FMN2: variants seen among roughly 807,000 people sequenced by gnomAD.
FMN2 encodes the protein formin 2.
In FMN2, 51 loss-of-function variants were observed where a neutral mutation model predicts 142.3. The ratio of observed to expected loss-of-function variants is 0.36; its 90% CI spans 0.29 to 0.45. The LOEUF (loss-of-function observed/expected upper bound fraction) is 0.45. FMN2 is among the 20% of genes least tolerant of loss of function. The pLI, the probability that FMN2 is intolerant of heterozygous loss-of-function variation, is 1.00. For missense variants in FMN2, 1,936 were observed against 2,122.8 expected (o/e 0.91, Z 1.73); for synonymous variants, 882 against 869.8 (o/e 1.01, Z -0.25).
intron 7 of FMN2, among the ~76,000 whole-genome samples, chr1:240,279,312 A>G (rs970691093): frequency 6.6e-6 from 1 of 152,222 alleles, no homozygotes; most frequent in Non-Finnish European, 1.5e-5. Flanking sequence ...ATCTTGCTCA[A>G]TTAAATCAAA....
chr1:240,187,376 C>T (rs987415205), intron 3 of FMN2, among the ~76,000 whole-genome samples: 3 of 151,634 alleles, frequency 2.0e-5, no homozygotes, highest in Non-Finnish European at 4.4e-5. Flanking sequence ...GGGTGCAACG[C>T]GACAGTCAGG....
intron 8 of FMN2, among the ~76,000 whole-genome samples, chr1:240,299,921 T>C (rs1670138392): frequency 6.6e-6 from 1 of 152,182 alleles, no homozygotes; most frequent in African/African-American, 2.4e-5. Flanking sequence ...GCAAGACTAG[T>C]AGGAATAAGG....
At chr1:240,415,863 G>A (rs996346248) in intron 15 of FMN2, among the ~76,000 whole-genome samples, 2 of 152,128 alleles carry the variant, frequency 1.3e-5, no homozygotes, top group African/African-American at 2.4e-5. Context: ...TGCCAGCTTC[G>A]ATGAGAATAC....
chr1:240,368,547 G>A (rs1395045362), intron 14 of FMN2, among the ~76,000 whole-genome samples: 1 of 148,898 alleles, frequency 6.7e-6, no homozygotes, highest in African/African-American at 2.5e-5. Flanking sequence ...TTACAAACTT[G>A]TTAAGCCCTC....
At chr1:240,459,873 C>G (rs771067380) in intron 16 of FMN2, among the ~76,000 whole-genome samples, 1 of 151,610 alleles carries the variant, frequency 6.6e-6, no homozygotes, top group Non-Finnish European at 1.5e-5. Flanking sequence ...AAGCATTACT[C>G]TCCTCAGAAA....
At chr1:240,357,765 G>A (rs542425663) in intron 14 of FMN2, among the ~76,000 whole-genome samples, 238 of 151,920 alleles carry the variant, frequency 1.6e-3, no homozygotes, top group African/African-American at 5.6e-3. Context: ...CCGCCACCAC[G>A]CCCGGCTAAT....
At chr1:240,221,516 C>G (rs1247820057) in intron 6 of FMN2, among the ~76,000 whole-genome samples, 1 of 152,098 alleles carries the variant, frequency 6.6e-6, no homozygotes, top group Non-Finnish European at 1.5e-5. Flanking sequence ...TAAATGTCTT[C>G]TTTTGAGAAG....
chr1:240,303,934 C>T (rs1275061576), intron 8 of FMN2, among the ~76,000 whole-genome samples: 2 of 152,044 alleles, frequency 1.3e-5, no homozygotes, highest in Non-Finnish European at 2.9e-5. Flanking sequence ...TTCCTCAAAT[C>T]CGTCTTTAAA....
intron 14 of FMN2, among the ~76,000 whole-genome samples, chr1:240,378,366 G>A (rs1428958155): frequency 1.3e-5 from 2 of 152,078 alleles, no homozygotes; most frequent in African/African-American, 2.4e-5. Flanking sequence ...GGCCAGGCTG[G>A]TCTTGAACTC....
intron 16 of FMN2, among the ~76,000 whole-genome samples, chr1:240,448,048 G>T (rs10926263): frequency 0.72 from 109,899 of 152,014 alleles, 39,937 homozygotes; most frequent in Admixed American, 0.81. Context: ...TCCCTCTTCT[G>T]CCTGCCTGGT....
intron 4 of FMN2, among the ~76,000 whole-genome samples, chr1:240,205,377 C>T (rs1666294999): frequency 6.6e-6 from 1 of 151,144 alleles, no homozygotes; most frequent in Non-Finnish European, 1.5e-5. Context: ...CTTCCTTTCT[C>T]TCTATCAATT....
intron 14 of FMN2, among the ~76,000 whole-genome samples, chr1:240,380,558 A>G (rs1673189956): frequency 6.6e-6 from 1 of 152,152 alleles, no homozygotes; most frequent in Non-Finnish European, 1.5e-5. Context: ...TCCCTTGGTC[A>G]ATACCAAAAC....
At position 240,382,486 on chromosome 1, in the gene FMN2, C is replaced by A. The variant is rs193293072; in HGVS notation, c.4859-10025C>A. On this transcript the variant is annotated intron_variant, in intron 14 of 17. Transcript: ENST00000319653. ...GACCAGCCTGGCCAACATGGTGAAA[C>A]CCCACCTCTACTAAAAATACAAAAA... Among the ~76,000 whole-genome samples the A allele has an allele frequency of 3.2e-4, 48 of 152,132 alleles. No individual in the cohort carries two copies. The East Asian group carries it at 7.5e-3, about 24-fold the overall frequency.
chr1:240,189,163 G>T (rs1185393003), intron 4 of FMN2, among the ~76,000 whole-genome samples: 3 of 110,584 alleles, frequency 2.7e-5, no homozygotes, highest in Non-Finnish European at 5.5e-5. Flanking sequence ...ATGCTAAAAT[G>T]GATTTCTTAT....
intron 6 of FMN2, among the ~76,000 whole-genome samples, chr1:240,228,094 GGGAGTTTGAGACCAGC>G (rs1226314620): frequency 6.6e-6 from 1 of 151,392 alleles, no homozygotes; most frequent in Non-Finnish European, 1.5e-5. Context: ...ACCTGAGGTC[GGGAGTTTGAGACCAGC>G]CTGACCAACA....
chr1:240,275,573 G>A (rs780279062), intron 7 of FMN2, among the ~76,000 whole-genome samples: 28 of 152,110 alleles, frequency 1.8e-4, no homozygotes, highest in Non-Finnish European at 4.0e-4. Context: ...TGTGTTTATA[G>A]TAGAATGATT....
At chr1:240,357,398 T>C (rs979590302) in intron 14 of FMN2, among the ~76,000 whole-genome samples, 3 of 152,216 alleles carry the variant, frequency 2.0e-5, no homozygotes, top group Admixed American at 1.3e-4. Context: ...AGTGAAATTA[T>C]GTTTTGCAAC....
chr1:240,474,947 T>A lies in FMN2; in HGVS notation c.*793T>A, dbSNP rs1047671434. ...ATTTATGTAAAGTATGGTCTCTTAC[T>A]TTTTAGTTTGTAGTTTAAGTGCAAA... On this transcript the variant is annotated 3_prime_UTR_variant, in exon 18 of 18. Transcript: ENST00000319653. 6.6e-6 allele frequency: 1 copy of A among 152,628 alleles called. No homozygotes were observed. Among genetic ancestry groups the A allele is most frequent in the Admixed American group, 6.5e-5 (1 of 15,276 alleles). 9.5% of individuals were successfully genotyped at this position (152,628 alleles called of 1,614,324 possible).
chr1:240,331,389 A>C (rs1194127432), intron 11 of FMN2, among the ~76,000 whole-genome samples: 1 of 152,228 alleles, frequency 6.6e-6, no homozygotes, highest in African/African-American at 2.4e-5. Flanking sequence ...ATATGAGGTT[A>C]GGAATGATGG....
Sources: gnomAD v4.1 joint callset for allele counts (sites outside exome capture counted in the v4.1 genomes callset) on GRCh38, gnomAD v4.1.1 for gene constraint, MANE v1.5 for transcripts, NCBI Gene and HGNC (gene_info 2026-07-23, HGNC 2026-07-21) for gene names.